Variants in TMEM116 observed in about 807,000 individuals in gnomAD.
TMEM116 encodes transmembrane protein 116.
Under a neutral mutation model 44.3 loss-of-function variants are expected in TMEM116, and 38 were observed. The ratio of observed to expected loss-of-function variants is 0.86; its 90% confidence interval spans 0.66 to 1.12. The LOEUF is 1.12. Ranked by LOEUF, TMEM116 falls within the 50% of genes most tolerant of loss-of-function variation. TMEM116 has a pLI of 0.00. For missense variants in TMEM116, 354 were observed against 401.7 expected (o/e 0.88, Z 1.01); for synonymous variants, 132 against 144.8 (o/e 0.91, Z 0.64).
At chr12:111,982,455 T>A (rs949961800) in intron 4 of TMEM116, among the ~76,000 whole-genome samples, 1 of 151,956 alleles carries the variant, frequency 6.6e-6, no homozygotes, top group African/African-American at 2.4e-5. Context: ...CGCATGCCAC[T>A]ACGCCCAGCT....
rs145433427 is a variant in TMEM116, at chr12:111,940,480, TACAC to T, written c.316-2274_316-2271del. 1.5e-4 allele frequency among the ~76,000 whole-genome samples: 19 copies of T among 128,926 alleles called. 1 individual carries two copies. Among genetic ancestry groups the T allele is most frequent in the African/African-American group, 3.4e-4 (11 of 32,288 alleles). The allele number at this position is 128,926 out of a possible 152,430, so 84.6% of individuals were successfully genotyped here. ...TGCCCCCCACATATATATATATACA[TACAC>T]ACACACACACACACATATATATACA... On this transcript the variant is annotated intron_variant, in intron 5 of 10. Coordinates refer to ENST00000552374, the MANE Select transcript of TMEM116 (RefSeq NM_001193531.2).
intron 1 of TMEM116, chr12:112,012,285 CG>C (rs2077877612): frequency 6.6e-6 from 1 of 152,044 alleles, no homozygotes. Flanking sequence ...TAAGAAAATA[CG>C]GTCTTTTTTT....
At chr12:112,000,886 TCCAG>T in intron 3 of TMEM116, 1 of 429,802 alleles carries the variant, frequency 2.3e-6, no homozygotes, top group East Asian at 6.2e-5. Flanking sequence ...TGGTCTATTC[TCCAG>T]CCAATGTTCT....
intron 1 of TMEM116, among the ~76,000 whole-genome samples, chr12:112,006,284 A>G (rs1271056871): frequency 2.6e-5 from 4 of 152,176 alleles, no homozygotes; most frequent in African/African-American, 9.7e-5. Flanking sequence ...CAGATACAGA[A>G]GGGGCAGGAT....
intron 6 of TMEM116, 120 bp downstream of exon 6, chr12:111,938,041 A>G: frequency 1.9e-6 from 1 of 529,206 alleles, no homozygotes; most frequent in Non-Finnish European, 3.3e-6. Flanking sequence ...TTTCTAAGTT[A>G]GGCTCTGTGA....
At chr12:111,985,022 T>C (rs1413860071) in intron 4 of TMEM116, among the ~76,000 whole-genome samples, 1 of 152,012 alleles carries the variant, frequency 6.6e-6, no homozygotes, top group East Asian at 1.9e-4. Context: ...TACTCAATGA[T>C]GAAAGACAAA....
intron 4 of TMEM116, among the ~76,000 whole-genome samples, chr12:111,952,158 G>A (rs2073781955): frequency 6.6e-6 from 1 of 152,142 alleles, no homozygotes; most frequent in Non-Finnish European, 1.5e-5. Context: ...GAACCTGGAA[G>A]ATGGAGATTG....
At position 111,935,534 on chromosome 12, in the gene TMEM116, C is replaced by T. The variant is rs538858107; in HGVS notation, c.588+1158G>A. ...GTCTCTCTTGTTAGTCAGTTCCAAA[C>T]GTAAACCATCAAACCCATTTTAATA... On this transcript the variant is annotated intron_variant, in intron 8 of 10. Coordinates refer to ENST00000552374, the MANE Select transcript of TMEM116 (RefSeq NM_001193531.2). 2.6e-5 allele frequency: 4 copies of T among 151,596 alleles called. No individual in the cohort carries two copies. In the East Asian group the frequency reaches 5.8e-4, roughly 22 times the overall value. The allele number at this position is 151,596 out of a possible 1,614,324, so 9.4% of individuals were successfully genotyped here.
intron 4 of TMEM116, among the ~76,000 whole-genome samples, chr12:111,985,947 G>A (rs1017713897): frequency 3.3e-5 from 5 of 151,938 alleles, no homozygotes; most frequent in Admixed American, 1.3e-4. Context: ...GTGACCTACA[G>A]ATTCAATGCA....
chr12:112,000,947 C>T (rs76008247), intron 3 of TMEM116: 182 of 388,512 alleles, frequency 4.7e-4, no homozygotes, highest in African/African-American at 3.4e-3. Flanking sequence ...TGACACAGAG[C>T]AGGGCTGCCT....
chr12:111,934,633 C>G (rs1593260166), intron 8 of TMEM116: 1 of 152,208 alleles, frequency 6.6e-6, no homozygotes, highest in African/African-American at 2.4e-5. Context: ...TGGCATGTGC[C>G]TTTAATTCCA....
At chr12:111,976,437 G>A (rs557166778) in intron 4 of TMEM116, among the ~76,000 whole-genome samples, 2 of 151,930 alleles carry the variant, frequency 1.3e-5, no homozygotes, top group South Asian at 2.1e-4. Flanking sequence ...CCGAGATTGC[G>A]CCACTGCACT....
intron 4 of TMEM116, among the ~76,000 whole-genome samples, chr12:111,975,090 A>G (rs2075590982): frequency 6.6e-6 from 1 of 152,256 alleles, no homozygotes. Flanking sequence ...ATTGATATAC[A>G]GATTCAATAA....
chr12:111,994,351 G>A (rs139433845), intron 3 of TMEM116, among the ~76,000 whole-genome samples: 157 of 152,224 alleles, frequency 1.0e-3, no homozygotes, highest in African/African-American at 3.4e-3. Context: ...CCAGCAGCCC[G>A]CAATGCAACG....
chr12:111,966,923 T>C (rs1014329601), intron 4 of TMEM116, among the ~76,000 whole-genome samples: 14 of 152,208 alleles, frequency 9.2e-5, no homozygotes, highest in African/African-American at 3.4e-4. Context: ...CAGAAGCTTA[T>C]TCCTAATCAA....
intron 9 of TMEM116, among the ~76,000 whole-genome samples, chr12:111,932,956 T>C (rs768231648): frequency 6.6e-5 from 10 of 152,150 alleles, no homozygotes; most frequent in Non-Finnish European, 1.3e-4. Context: ...AATTATCCAA[T>C]CTGGGCGGGC....
At chr12:111,993,814 G>A in intron 3 of TMEM116, 1 of 744,864 alleles carries the variant, frequency 1.3e-6, no homozygotes, top group Non-Finnish European at 2.5e-6. Context: ...TTGTGCAATT[G>A]TTTCTCACCC....
At chr12:111,940,529 A>ATATATATACACACACACATATATATGTG (rs2072688996) in intron 5 of TMEM116, among the ~76,000 whole-genome samples, 10 of 119,156 alleles carry the variant, frequency 8.4e-5, no homozygotes, top group East Asian at 5.9e-4. Context: ...ATGTGTATAT[A>ATATATATACACACACACATATATATGTG]TATATATATA....
At chr12:111,968,705 C>T (rs2075125590) in intron 4 of TMEM116, among the ~76,000 whole-genome samples, 1 of 152,120 alleles carries the variant, frequency 6.6e-6, no homozygotes, top group Admixed American at 6.6e-5. Context: ...TTAAAAACAT[C>T]TATATTAGGC....
Sources: gnomAD v4.1 joint callset for allele counts (sites outside exome capture counted in the v4.1 genomes callset) on GRCh38, gnomAD v4.1.1 for gene constraint, MANE v1.5 for transcripts, NCBI Gene and HGNC (gene_info 2026-07-23, HGNC 2026-07-21) for gene names.